HP1BP3: variants seen among roughly 807,000 people sequenced by gnomAD.
The protein encoded by HP1BP3 is heterochromatin protein 1 binding protein 3, also known as heterochromatin protein 1-binding protein 3.
HP1BP3 carries 12 observed loss-of-function variants against 62.5 expected under a neutral mutation model. That is an observed-to-expected ratio of 0.19 (90% CI 0.12 to 0.31). The LOEUF (loss-of-function observed/expected upper bound fraction) is 0.31. Ranked by LOEUF, HP1BP3 falls within the 10% of genes least tolerant of loss-of-function variation. HP1BP3 has a pLI of 1.00. For synonymous variants in HP1BP3, 260 were observed against 237.8 expected, an observed-to-expected ratio of 1.09 and a Z score of -0.86; for missense variants, 502 against 651.8, an observed-to-expected ratio of 0.77 and a Z score of 2.50.
chr1:20,764,408 A>C (rs2056653558), intron 8 of HP1BP3, among the ~76,000 whole-genome samples: 2 of 151,654 alleles, frequency 1.3e-5, no homozygotes, highest in South Asian at 4.2e-4. Flanking sequence ...CAATGGCGCA[A>C]TCTCGGCTCA....
At chr1:20,773,804 AG>A (rs1199657359) in intron 4 of HP1BP3, 194 bp from the exon 5 acceptor site, 1 of 425,862 alleles carries the variant, frequency 2.3e-6, no homozygotes, top group South Asian at 6.2e-5. Context: ...TGAATTAAAA[AG>A]GTATTTTTCT....
intron 1 of HP1BP3, among the ~76,000 whole-genome samples, chr1:20,782,140 T>TA (rs1417162224): frequency 1.5e-4 from 23 of 152,172 alleles, no homozygotes; most frequent in Middle Eastern, 6.8e-3. Context: ...TAGGCATCTT[T>TA]AAAAAAATAC....
At chr1:20,763,247 AAAG>A (rs1380494416) in intron 8 of HP1BP3, among the ~76,000 whole-genome samples, 1 of 152,210 alleles carries the variant, frequency 6.6e-6, no homozygotes, top group Non-Finnish European at 1.5e-5. Context: ...ATTCTTTGTT[AAAG>A]AATAGTGAAA....
chr1:20,750,469 G>C (rs1418368371), intron 9 of HP1BP3, among the ~76,000 whole-genome samples: 1 of 151,866 alleles, frequency 6.6e-6, no homozygotes, highest in Non-Finnish European at 1.5e-5. Context: ...CGGGGTTGCA[G>C]TGTGCCGAAA....
At chr1:20,786,947 G>C (rs1003512591) in intron 1 of HP1BP3, among the ~76,000 whole-genome samples, 1 of 152,094 alleles carries the variant, frequency 6.6e-6, no homozygotes, top group East Asian at 1.9e-4. Flanking sequence ...GGGAGCGCGC[G>C]CGCCGGAGGG....
rs2154539151 is a variant in HP1BP3 at position 20,740,884 on chromosome 1, C to T, written c.*3913G>A. 6.6e-6 allele frequency among the ~76,000 whole-genome samples: 1 copy of T among 152,182 alleles called. No homozygotes were observed. The highest frequency in any genetic ancestry group is 1.9e-4 in the East Asian group (1 of 5,178). The stretch of plus-strand genomic sequence containing the variant: ...AGATTAATTTCTTAAGAAAATAATG[C>T]AGCTGATTAGGGGTACTGTTTAACC... On this transcript the variant is annotated 3_prime_UTR_variant, in exon 13 of 13. Transcript: ENST00000438032.
rs777306802 is a variant in HP1BP3 at position 20,771,071 on chromosome 1, T to C, written c.513A>G (p.Ala171=). 8.8e-6 allele frequency: 14 copies of C among 1,595,096 alleles called. No individual in the cohort carries two copies. The East Asian group carries it at 1.8e-4, about 21-fold the overall frequency. ...MDAILTEAIK[A]CFQKSGASVV... ...CTGATGCACCACTCTTCTGGAAGCA[T>C]GCCTAGAAAAGATTTATTAAACTAG... is the stretch of plus-strand genomic sequence containing the variant. Residue 171 remains alanine, a splice_region_variant and synonymous_variant, in exon 6 of 13, where the codon GCA becomes GCG. Transcript: ENST00000438032.
In HP1BP3 at chr1:20,742,042, TA is replaced by T. The variant is rs1288241015; in HGVS notation, c.*2754del. On this transcript the variant is annotated 3_prime_UTR_variant, in exon 13 of 13. Coordinates refer to ENST00000438032, the MANE Select transcript of HP1BP3 (RefSeq NM_001372052.1). The stretch of plus-strand genomic sequence containing the variant: ...ATCACACTGAAACAAACTGTCCTTA[TA>T]GTTAACAGAACGTTAGAGTTGGAAG... Among the ~76,000 whole-genome samples, 2 of 152,220 alleles carry T rather than the reference TA, an allele frequency of 1.3e-5. No individual in the cohort carries two copies. The highest frequency in any genetic ancestry group is 2.9e-5 in the Non-Finnish European group (2 of 68,044).
chr1:20,749,638 C>T (rs1316870870), intron 10 of HP1BP3, 85 bp downstream of exon 10: 17 of 1,316,920 alleles, frequency 1.3e-5, no homozygotes, highest in Admixed American at 4.2e-5. Flanking sequence ...GGATTACAGG[C>T]GTGAGCCACA....
chr1:20,756,083 T>C (rs1267016417), intron 9 of HP1BP3, among the ~76,000 whole-genome samples: 1 of 152,230 alleles, frequency 6.6e-6, no homozygotes, highest in Non-Finnish European at 1.5e-5. Flanking sequence ...TGTACAATTC[T>C]ATAAAGTTAC....
chr1:20,765,547 C>G lies in HP1BP3; in HGVS notation c.736-16G>C, dbSNP rs761769675. The G allele has an allele frequency of 6.3e-7, 1 of 1,599,530 alleles. No homozygotes were observed. The highest frequency in any genetic ancestry group is 1.3e-5 in the African/African-American group (1 of 74,344). On this transcript the variant is annotated splice_polypyrimidine_tract_variant and intron_variant, in intron 7 of 12. Transcript: ENST00000438032. Reference sequence around the variant, plus strand: ...AGCTCCTATTCTGAAAAGTAATTATCAAAAATTATGATCATTATAGAACGT... The same window carrying G: ...AGCTCCTATTCTGAAAAGTAATTATGAAAAATTATGATCATTATAGAACGT...
At chr1:20,780,061 A>G in intron 2 of HP1BP3, 150 bp from the exon 3 acceptor site, 1 of 614,062 alleles carries the variant, frequency 1.6e-6, no homozygotes, top group Non-Finnish European at 2.8e-6. Context: ...GTTTTTTTTG[A>G]AGTGAAATAT....
At chr1:20,749,058 C>T (rs2055536803) in intron 10 of HP1BP3, among the ~76,000 whole-genome samples, 1 of 152,176 alleles carries the variant, frequency 6.6e-6, no homozygotes, top group African/African-American at 2.4e-5. Flanking sequence ...AAAATCCTGG[C>T]TTTGTTTCAA....
At chr1:20,786,823 G>A (rs1042967668) in intron 1 of HP1BP3, 1 of 152,838 alleles carries the variant, frequency 6.5e-6, no homozygotes, top group African/African-American at 2.4e-5. Context: ...AGCATGCGCA[G>A]CCCTCAGCCA....
chr1:20,760,789 T>C (rs2056423603), intron 8 of HP1BP3, among the ~76,000 whole-genome samples: 1 of 152,102 alleles, frequency 6.6e-6, no homozygotes, highest in Non-Finnish European at 1.5e-5. Flanking sequence ...TGAGCCGAGA[T>C]CATGCCACTG....
chr1:20,747,658 G>GAA lies in HP1BP3; in HGVS notation c.1142-5_1142-4dup. 9 of 1,506,368 alleles carry GAA rather than the reference G, an allele frequency of 6.0e-6. No individual in the cohort carries two copies. The highest frequency in any genetic ancestry group is 7.2e-6 in the Non-Finnish European group (8 of 1,106,658). 93.3% of individuals were successfully genotyped at this position (1,506,368 alleles called of 1,614,324 possible). A position where few individuals can be genotyped will look rare whatever the true frequency, so the allele number is the denominator to read the frequency against. On this transcript the variant is annotated splice_region_variant and splice_polypyrimidine_tract_variant and intron_variant, in intron 10 of 12. Coordinates refer to ENST00000438032, the MANE Select transcript of HP1BP3 (RefSeq NM_001372052.1). ...CAGGGTTTTTTTCAGCAAATGCACT[G>GAA]AAAAAAAAAATTCAGAAATGAAAGT...
At chr1:20,776,170 T>C in intron 4 of HP1BP3, 1 of 607,642 alleles carries the variant, frequency 1.6e-6, no homozygotes, top group Non-Finnish European at 2.7e-6. Flanking sequence ...ACCAATGGCT[T>C]GATACAAATC....
At chr1:20,748,916 C>T (rs1339304442) in intron 10 of HP1BP3, among the ~76,000 whole-genome samples, 1 of 152,190 alleles carries the variant, frequency 6.6e-6, no homozygotes, top group Non-Finnish European at 1.5e-5. Context: ...CCAATCCACA[C>T]GATAATGCTG....
intron 6 of HP1BP3, among the ~76,000 whole-genome samples, chr1:20,768,234 C>T (rs2056881894): frequency 6.6e-6 from 1 of 151,576 alleles, no homozygotes; most frequent in African/African-American, 2.4e-5. Context: ...ATCACGAGGT[C>T]AGGAGATCGA....
Sources: gnomAD v4.1 joint callset for allele counts (sites outside exome capture counted in the v4.1 genomes callset) on GRCh38, gnomAD v4.1.1 for gene constraint, MANE v1.5 for transcripts, NCBI Gene and HGNC (gene_info 2026-07-23, HGNC 2026-07-21) for gene names.